The following SGK1 variants were observed in gnomAD, a reference collection of about 807,000 sequenced individuals.
SGK1 encodes the protein serum/glucocorticoid regulated kinase 1.
SGK1 carries 26 observed loss-of-function variants against 64.2 expected under a neutral mutation model. The ratio of observed to expected loss-of-function variants is 0.40; its 90% CI spans 0.30 to 0.56. The LOEUF (loss-of-function observed/expected upper bound fraction) is 0.56. Among genes scored for constraint, SGK1 ranks in the 20% least tolerant of loss-of-function variants. The pLI is 0.38. For synonymous variants in SGK1, 265 were observed against 239.7 expected, an observed-to-expected ratio of 1.11 and a Z score of -0.98; for missense variants, 519 against 645.6, an observed-to-expected ratio of 0.80 and a Z score of 2.12.
At chr6:134,312,641 A>AT (rs756959831) in intron 1 of SGK1, among the ~76,000 whole-genome samples, 1 of 152,182 alleles carries the variant, frequency 6.6e-6, no homozygotes, top group Non-Finnish European at 1.5e-5. Flanking sequence ...TGGTGCTGGG[A>AT]TCCAAACCCT....
intron 1 of SGK1, among the ~76,000 whole-genome samples, chr6:134,298,962 A>G (rs559387900): frequency 6.6e-6 from 1 of 151,810 alleles, no homozygotes; most frequent in African/African-American, 2.4e-5. Context: ...TACCATGCCC[A>G]GCTAATTTTT....
At chr6:134,171,272 T>C (rs1775015168) in intron 11 of SGK1, 94 bp from the exon 12 acceptor site, 2 of 1,194,296 alleles carry the variant, frequency 1.7e-6, no homozygotes, top group East Asian at 4.7e-5. Context: ...CAATAAATAT[T>C]AGGCTCGATT....
intron 2 of SGK1, among the ~76,000 whole-genome samples, chr6:134,208,907 T>TATAC (rs540401467): frequency 4.0e-5 from 6 of 150,564 alleles, no homozygotes; most frequent in African/African-American, 9.8e-5. Context: ...TATATATATA[T>TATAC]ACACACACAC....
At chr6:134,295,969 T>C (rs1322482891) in intron 1 of SGK1, among the ~76,000 whole-genome samples, 1 of 152,230 alleles carries the variant, frequency 6.6e-6, no homozygotes, top group African/African-American at 2.4e-5. Context: ...AATGTAAGCA[T>C]GAGAACAAAG....
At chr6:134,213,954 G>A (rs1237416202) in intron 2 of SGK1, among the ~76,000 whole-genome samples, 1 of 152,188 alleles carries the variant, frequency 6.6e-6, no homozygotes, top group African/African-American at 2.4e-5. Context: ...AAACCTCTAT[G>A]TACCTATCAA....
chr6:134,220,126 T>C (rs114906727), intron 2 of SGK1, among the ~76,000 whole-genome samples: 90 of 148,512 alleles, frequency 6.1e-4, no homozygotes, highest in African/African-American at 2.2e-3. Flanking sequence ...AATTAAATTA[T>C]TAAGTAAAAA....
At chr6:134,271,252 G>A (rs1443138510) in intron 1 of SGK1, among the ~76,000 whole-genome samples, 2 of 131,796 alleles carry the variant, frequency 1.5e-5, no homozygotes, top group African/African-American at 5.1e-5. Flanking sequence ...CTAGGTGGCG[G>A]AGGTTGCAGT....
At chr6:134,281,039 G>C (rs144877666) in intron 1 of SGK1, among the ~76,000 whole-genome samples, 5 of 152,246 alleles carry the variant, frequency 3.3e-5, no homozygotes, top group African/African-American at 1.2e-4. Context: ...TTGCACTCCA[G>C]CCTGGGTGAC....
intron 3 of SGK1, 101 bp from the exon 4 acceptor site, chr6:134,174,687 T>A: frequency 6.2e-7 from 1 of 1,613,650 alleles, no homozygotes; most frequent in Non-Finnish European, 8.5e-7. Context: ...AAATTTCCAC[T>A]TTGCGTCTCC....
intron 3 of SGK1, among the ~76,000 whole-genome samples, chr6:134,192,833 A>G (rs1048271469): frequency 1.3e-5 from 2 of 152,200 alleles, no homozygotes; most frequent in Admixed American, 1.3e-4. Context: ...TGCTGGGATT[A>G]CAGGCGGGAG....
rs1018444269 is a variant in SGK1, at chr6:134,169,718, T to A, written c.*550A>T. On this transcript the variant is annotated 3_prime_UTR_variant, in exon 14 of 14. Transcript: ENST00000367858. ...TCTACACATAAATTTATCTTCCAAATATGGAAGAAACAAACAATGTCCCAC... is the reference window on the plus strand; with the variant it reads ...TCTACACATAAATTTATCTTCCAAAAATGGAAGAAACAAACAATGTCCCAC... The A allele has an allele frequency of 6.6e-6, 1 of 152,652 alleles. No individual in the cohort carries two copies. Among genetic ancestry groups the A allele is most frequent in the Non-Finnish European group, 1.5e-5 (1 of 68,044 alleles). The allele number at this position is 152,652 out of a possible 1,614,324, so 9.5% of individuals were successfully genotyped here. A position where few individuals can be genotyped will look rare whatever the true frequency, so the allele number is the denominator to read the frequency against.
intron 9 of SGK1, 171 bp from the exon 10 acceptor site, chr6:134,172,487 CCTA>C: frequency 1.2e-6 from 1 of 804,774 alleles, no homozygotes; most frequent in South Asian, 1.8e-5. Context: ...TAGGCACAAT[CCTA>C]CTTGGCTGGT....
chr6:134,250,534 C>CA (rs1260039139), intron 2 of SGK1, among the ~76,000 whole-genome samples: 23 of 152,138 alleles, frequency 1.5e-4, no homozygotes, highest in Non-Finnish European at 1.5e-5. Context: ...ACACTATGGA[C>CA]AAATGTGTGT....
chr6:134,248,445 CTTTTTTTTTTTTTT>C (rs34315643), intron 2 of SGK1, among the ~76,000 whole-genome samples: 1 of 103,044 alleles, frequency 9.7e-6, no homozygotes, highest in South Asian at 3.6e-4. Context: ...TCTCCTCCGC[CTTTTTTTTTTTTTT>C]TTTTTTTTTT....
intron 2 of SGK1, among the ~76,000 whole-genome samples, chr6:134,255,388 GTAAGAGATTCCCAGC>G (rs1776667956): frequency 6.6e-6 from 1 of 151,664 alleles, no homozygotes; most frequent in Admixed American, 6.6e-5. Context: ...AAATTAAAAG[GTAAGAGATTCCCAGC>G]TGGGCTCAGT....
chr6:134,248,445 C>CTTTTTT (rs34315643), intron 2 of SGK1, among the ~76,000 whole-genome samples: 2 of 103,038 alleles, frequency 1.9e-5, no homozygotes, highest in Non-Finnish European at 3.6e-5. Context: ...TCTCCTCCGC[C>CTTTTTT]TTTTTTTTTT....
chr6:134,228,527 T>C (rs1776223320), intron 2 of SGK1, among the ~76,000 whole-genome samples: 1 of 152,230 alleles, frequency 6.6e-6, no homozygotes, highest in African/African-American at 2.4e-5. Flanking sequence ...ATCCCCAGAC[T>C]GTAAACTGTA....
At chr6:134,207,635 C>T (rs186901858) in intron 2 of SGK1, among the ~76,000 whole-genome samples, 5 of 152,274 alleles carry the variant, frequency 3.3e-5, no homozygotes, top group Admixed American at 2.0e-4. Context: ...TAGTCCTGGG[C>T]AAACCGGGAC....
At chr6:134,217,449 C>A (rs1345767458) in intron 2 of SGK1, among the ~76,000 whole-genome samples, 1 of 152,150 alleles carries the variant, frequency 6.6e-6, no homozygotes, top group East Asian at 1.9e-4. Context: ...ACCCACCGGA[C>A]CACTACTGCC....
Sources: allele counts gnomAD v4.1 joint callset (sites outside exome capture counted in the v4.1 genomes callset), GRCh38; gene constraint gnomAD v4.1.1; transcripts MANE v1.5; gene names NCBI Gene and HGNC (gene_info 2026-07-23, HGNC 2026-07-21).